Variants in DCC observed in about 807,000 individuals in gnomAD.
The protein encoded by DCC is netrin receptor DCC.
In DCC, 58 loss-of-function variants were observed where a neutral mutation model predicts 172.5. That is an observed-to-expected ratio of 0.34 (90% CI 0.27 to 0.42). The LOEUF (loss-of-function observed/expected upper bound fraction) is 0.42. Among genes scored for constraint, DCC ranks in the 10% least tolerant of loss-of-function variants. The pLI is 1.00. For missense variants in DCC, 1,740 were observed against 1,791.0 expected (o/e 0.97, Z 0.51); for synonymous variants, 709 against 644.5 (o/e 1.10, Z -1.52).
intron 7 of DCC, among the ~76,000 whole-genome samples, chr18:53,109,728 C>A (rs2043302775): frequency 1.3e-5 from 2 of 151,580 alleles, no homozygotes; most frequent in Non-Finnish European, 3.0e-5. Flanking sequence ...TGAGAAAACA[C>A]TGCTGATATC....
chr18:53,188,344 T>C (rs2055316685), intron 9 of DCC, among the ~76,000 whole-genome samples: 1 of 152,188 alleles, frequency 6.6e-6, no homozygotes, highest in Admixed American at 6.5e-5. Flanking sequence ...GAAATGGAAA[T>C]ATCACTTTAA....
intron 13 of DCC, among the ~76,000 whole-genome samples, chr18:53,319,862 T>A (rs1041215708): frequency 1.1e-5 from 1 of 90,784 alleles, no homozygotes; most frequent in Non-Finnish European, 2.5e-5. Context: ...CAACTACATA[T>A]GGACTTATTC....
intron 13 of DCC, among the ~76,000 whole-genome samples, chr18:53,316,469 G>GT (rs200779485): frequency 0.18 from 27,211 of 148,590 alleles, 3,193 homozygotes; most frequent in African/African-American, 0.34. Flanking sequence ...ATTTAAAGAA[G>GT]TTTTTTTTTT....
intron 5 of DCC, among the ~76,000 whole-genome samples, chr18:53,024,515 G>C (rs567189885): frequency 1.7e-4 from 26 of 152,114 alleles, no homozygotes; most frequent in Non-Finnish European, 3.4e-4. Flanking sequence ...ATGAGCCAAA[G>C]AGCCCATCAA....
chr18:52,465,440 G>A (rs952896487), intron 1 of DCC, among the ~76,000 whole-genome samples: 4 of 152,108 alleles, frequency 2.6e-5, no homozygotes, highest in African/African-American at 9.7e-5. Context: ...CAGCAAGTGT[G>A]CTCAGCTCAC....
At chr18:52,774,813 C>T (rs1012035648) in intron 2 of DCC, among the ~76,000 whole-genome samples, 18 of 152,090 alleles carry the variant, frequency 1.2e-4, no homozygotes, top group Admixed American at 9.8e-4. Flanking sequence ...GAGGTGAAGG[C>T]ATATATGACA....
intron 24 of DCC, among the ~76,000 whole-genome samples, chr18:53,461,863 A>G (rs1017701147): frequency 6.6e-5 from 10 of 152,166 alleles, no homozygotes; most frequent in African/African-American, 2.2e-4. Flanking sequence ...ATGCTCAGCT[A>G]GATATTTGGC....
At chr18:52,875,598 C>T (rs982264269) in intron 2 of DCC, among the ~76,000 whole-genome samples, 1 of 152,138 alleles carries the variant, frequency 6.6e-6, no homozygotes, top group Non-Finnish European at 1.5e-5. Flanking sequence ...AATATTCATG[C>T]TGTTATTGGT....
chr18:53,452,534 C>A (rs1469791440), intron 23 of DCC, among the ~76,000 whole-genome samples: 2 of 152,144 alleles, frequency 1.3e-5, no homozygotes, highest in African/African-American at 2.4e-5. Flanking sequence ...TTGAGAAAAT[C>A]TCCAGTCATC....
intron 1 of DCC, among the ~76,000 whole-genome samples, chr18:52,592,756 C>G (rs576101624): frequency 6.6e-6 from 1 of 152,300 alleles, no homozygotes; most frequent in Admixed American, 6.5e-5. Context: ...GCCTCAGACT[C>G]CCGAATAGCT....
intron 3 of DCC, among the ~76,000 whole-genome samples, chr18:52,916,900 G>A (rs1158327118): frequency 3.3e-5 from 5 of 151,886 alleles, no homozygotes; most frequent in Non-Finnish European, 5.9e-5. Context: ...TTATAAAAAT[G>A]GAAAGAACTA....
At chr18:52,572,899 C>G (rs1300534773) in intron 1 of DCC, among the ~76,000 whole-genome samples, 1 of 152,182 alleles carries the variant, frequency 6.6e-6, no homozygotes, top group Non-Finnish European at 1.5e-5. Flanking sequence ...TTGAACTGTA[C>G]ATTGCCTGGC....
At chr18:53,130,267 C>T (rs1257539559) in intron 7 of DCC, among the ~76,000 whole-genome samples, 4 of 152,040 alleles carry the variant, frequency 2.6e-5, no homozygotes, top group Non-Finnish European at 5.9e-5. Flanking sequence ...TGAGGATGGT[C>T]TCCTAAAGAG....
chr18:53,231,739 A>C (rs1364029789), intron 12 of DCC, among the ~76,000 whole-genome samples: 9 of 152,096 alleles, frequency 5.9e-5, no homozygotes, highest in African/African-American at 1.7e-4. Context: ...TCAGTGTGTT[A>C]GATTAATTTT....
intron 5 of DCC, among the ~76,000 whole-genome samples, chr18:53,017,827 T>C (rs2041829994): frequency 6.6e-6 from 1 of 152,236 alleles, no homozygotes; most frequent in African/African-American, 2.4e-5. Context: ...TTATACATAC[T>C]ACTGCAGGTT....
At chr18:52,725,997 A>C (rs2036546215) in intron 1 of DCC, among the ~76,000 whole-genome samples, 1 of 152,210 alleles carries the variant, frequency 6.6e-6, no homozygotes, top group South Asian at 2.1e-4. Flanking sequence ...TATCATTCCC[A>C]CTTTAAAGAT....
intron 1 of DCC, among the ~76,000 whole-genome samples, chr18:52,431,067 C>T (rs1987605293): frequency 6.6e-6 from 1 of 152,076 alleles, no homozygotes; most frequent in South Asian, 2.1e-4. Flanking sequence ...CCCTTAATAC[C>T]CTTCACAGTG....
intron 2 of DCC, among the ~76,000 whole-genome samples, chr18:52,830,780 C>A (rs2038599803): frequency 6.6e-6 from 1 of 152,084 alleles, no homozygotes; most frequent in Non-Finnish European, 1.5e-5. Context: ...TAGGGTAATC[C>A]ATTTCCATTA....
intron 1 of DCC, among the ~76,000 whole-genome samples, chr18:52,513,757 TTA>T (rs1430642925): frequency 1.3e-5 from 2 of 152,140 alleles, no homozygotes; most frequent in Non-Finnish European, 2.9e-5. Flanking sequence ...CCAAAGCTAT[TTA>T]TGGGCCTGCA....
Sources: gnomAD v4.1 joint callset for allele counts (sites outside exome capture counted in the v4.1 genomes callset) on GRCh38, gnomAD v4.1.1 for gene constraint, MANE v1.5 for transcripts, NCBI Gene and HGNC (gene_info 2026-07-23, HGNC 2026-07-21) for gene names.